The following TMEM131L variants were observed in gnomAD, a reference collection of about 807,000 sequenced individuals.
The protein encoded by TMEM131L is transmembrane 131 like.
A neutral mutation model predicts 192.2 loss-of-function variants in TMEM131L; 54 were observed. That is an observed-to-expected ratio of 0.28 (90% CI 0.23 to 0.35). The LOEUF is 0.35. Among genes scored for constraint, TMEM131L ranks in the 10% least tolerant of loss-of-function variants. The pLI is 1.00. For synonymous variants in TMEM131L, 701 were observed against 704.9 expected (o/e 0.99, Z 0.09); for missense variants, 1,888 against 1,972.9 (o/e 0.96, Z 0.82).
intron 2 of TMEM131L, among the ~76,000 whole-genome samples, chr4:153,468,509 C>T (rs1730930925): frequency 6.6e-6 from 1 of 152,102 alleles, no homozygotes; most frequent in African/African-American, 2.4e-5. Flanking sequence ...ATAAAAAGAA[C>T]AAAATAGAAA....
At chr4:153,563,730 G>A (rs921906668) in intron 7 of TMEM131L, among the ~76,000 whole-genome samples, 3 of 152,062 alleles carry the variant, frequency 2.0e-5, no homozygotes, top group Non-Finnish European at 2.9e-5. Flanking sequence ...GCTTTTCAAA[G>A]TGCTGGGATT....
intron 3 of TMEM131L, among the ~76,000 whole-genome samples, chr4:153,513,401 A>C (rs1414953379): frequency 1.3e-5 from 2 of 152,130 alleles, no homozygotes; most frequent in African/African-American, 2.4e-5. Context: ...ACATTTATCA[A>C]ATGAGTAAAC....
chr4:153,514,282 A>C (rs182319893), intron 3 of TMEM131L, among the ~76,000 whole-genome samples: 1 of 152,236 alleles, frequency 6.6e-6, no homozygotes, highest in Non-Finnish European at 1.5e-5. Context: ...TACACAATGC[A>C]CATGCTCTGT....
intron 16 of TMEM131L, 27 bp from the exon 17 acceptor site, chr4:153,591,026 A>G (rs777093724): frequency 8.4e-6 from 12 of 1,434,448 alleles, no homozygotes; most frequent in East Asian, 2.5e-5. Context: ...AATATTTTTC[A>G]TAATAGTTTC....
chr4:153,603,536 CAT>C (rs1731997198), intron 24 of TMEM131L, 84 bp downstream of exon 24: 2 of 1,426,042 alleles, frequency 1.4e-6, no homozygotes, highest in African/African-American at 2.9e-5. Flanking sequence ...TTTAAGTAAA[CAT>C]AAATTTTGAT....
intron 26 of TMEM131L, among the ~76,000 whole-genome samples, chr4:153,617,473 G>T (rs1415590161): frequency 1.3e-5 from 2 of 152,184 alleles, no homozygotes; most frequent in Non-Finnish European, 2.9e-5. Context: ...ATTCTCCTCT[G>T]TGCGGCAAAA....
At chr4:153,506,848 A>G in intron 3 of TMEM131L, among the ~76,000 whole-genome samples, 1 of 137,568 alleles carries the variant, frequency 7.3e-6, no homozygotes, top group Non-Finnish European at 1.7e-5. Flanking sequence ...GTATCCAAAA[A>G]AAAAAAAAAA....
intron 27 of TMEM131L, among the ~76,000 whole-genome samples, chr4:153,621,171 C>A (rs571894916): frequency 5.9e-5 from 9 of 152,162 alleles, no homozygotes; most frequent in Non-Finnish European, 1.2e-4. Context: ...CGTGTGGAGA[C>A]CTTCATTCTG....
intron 3 of TMEM131L, among the ~76,000 whole-genome samples, chr4:153,543,039 G>A (rs1021348065): frequency 1.1e-4 from 16 of 152,198 alleles, no homozygotes; most frequent in African/African-American, 3.6e-4. Flanking sequence ...TAGCGAGAGC[G>A]CCTCCAACAG....
chr4:153,528,800 C>T (rs1348764742), intron 3 of TMEM131L, among the ~76,000 whole-genome samples: 1 of 152,092 alleles, frequency 6.6e-6, no homozygotes, highest in African/African-American at 2.4e-5. Flanking sequence ...GGAGCCAACC[C>T]CTCCCTCGGA....
In TMEM131L at chr4:153,466,489, C is replaced by T. The variant is rs1242710937; in HGVS notation, c.92C>T (p.Pro31Leu). 15 of 1,411,554 alleles carry T rather than the reference C, an allele frequency of 1.1e-5. No individual in the cohort carries two copies. Among genetic ancestry groups the T allele is most frequent in the East Asian group, 3.0e-5 (1 of 33,550 alleles). The allele number at this position is 1,411,554 out of a possible 1,614,324, so 87.4% of individuals were successfully genotyped here. The change falls in exon 1 of 35, where the codon CCC becomes CTC. Residue 31 changes from proline to leucine, a missense_variant. By Grantham distance (98) the Pro-to-Leu change is moderately conservative. Transcript: ENST00000409959. ...LLLGVFQVLL[P>L]CCRPGGAQGQ... ...CTGGGCGTCTTCCAGGTCCTGCTGC[C>T]CTGCTGTCGCCCGGGAGGGGCTCAG...
chr4:153,468,605 A>C (rs1176548010), intron 2 of TMEM131L, among the ~76,000 whole-genome samples: 2 of 152,210 alleles, frequency 1.3e-5, no homozygotes, highest in Non-Finnish European at 2.9e-5. Context: ...AGAGTTGTTC[A>C]ACAGTGGCAC....
At chr4:153,549,737 A>G (rs577714890) in intron 3 of TMEM131L, among the ~76,000 whole-genome samples, 3 of 152,346 alleles carry the variant, frequency 2.0e-5, no homozygotes, top group South Asian at 2.1e-4. Flanking sequence ...TTACTTGTAT[A>G]TCATTTCCTG....
intron 3 of TMEM131L, among the ~76,000 whole-genome samples, chr4:153,485,613 A>T (rs921114632): frequency 6.6e-6 from 1 of 152,176 alleles, no homozygotes; most frequent in Admixed American, 6.5e-5. Context: ...TACCTTGTGG[A>T]TGTTGCTGCC....
chr4:153,607,955 T>A (rs147779591), intron 25 of TMEM131L, among the ~76,000 whole-genome samples: 88 of 152,216 alleles, frequency 5.8e-4, no homozygotes, highest in African/African-American at 1.9e-3. Flanking sequence ...ATATGTATAG[T>A]AGCCAAATGT....
At chr4:153,587,842 A>C in intron 15 of TMEM131L, 31 bp downstream of exon 15, 3 of 1,489,302 alleles carry the variant, frequency 2.0e-6, no homozygotes, top group Non-Finnish European at 2.8e-6. Flanking sequence ...CTTTCTGTAG[A>C]TCTCTAGTTT....
At chr4:153,625,091 G>T (rs943736918) in intron 29 of TMEM131L, among the ~76,000 whole-genome samples, 13 of 152,216 alleles carry the variant, frequency 8.5e-5, no homozygotes, top group Admixed American at 4.6e-4. Context: ...AAGACTGAAG[G>T]TTTGCCTGAT....
In TMEM131L at chr4:153,557,076, C is replaced by T; in HGVS notation, c.543C>T (p.Ser181=). 7.2e-7 allele frequency: 1 copy of T among 1,393,740 alleles called. No homozygotes were observed. Among genetic ancestry groups the T allele is most frequent in the Non-Finnish European group, 1.0e-6 (1 of 983,498 alleles). 86.3% of individuals were successfully genotyped at this position (1,393,740 alleles called of 1,614,324 possible). Residue 181 remains serine, a synonymous_variant, in exon 6 of 35, where the codon TCC becomes TCT. Coordinates refer to ENST00000409959, the MANE Select transcript of TMEM131L (RefSeq NM_001131007.2). ...FINTSSYGVL[S]YHVSGIGTRR... ...ATACCTCTTCGTATGGAGTCCTTTC[C>T]TATCATGTGAGTAACTTTTTCCTTT...
intron 3 of TMEM131L, among the ~76,000 whole-genome samples, chr4:153,535,921 A>G (rs1429190524): frequency 6.6e-6 from 1 of 152,164 alleles, no homozygotes. Flanking sequence ...CAACGGCAGC[A>G]CTTTTTTCAT....
Sources: gnomAD v4.1 joint callset for allele counts (sites outside exome capture counted in the v4.1 genomes callset) on GRCh38, gnomAD v4.1.1 for gene constraint, MANE v1.5 for transcripts, NCBI Gene and HGNC (gene_info 2026-07-23, HGNC 2026-07-21) for gene names.